The following DNAH2 variants were observed in gnomAD, a reference collection of about 807,000 sequenced individuals.
The protein encoded by DNAH2 is dynein axonemal heavy chain 2.
A neutral mutation model predicts 523.5 loss-of-function variants in DNAH2; 323 were observed. The ratio of observed to expected loss-of-function variants is 0.62; its 90% CI spans 0.56 to 0.68. The LOEUF (loss-of-function observed/expected upper bound fraction) is 0.68. DNAH2 is among the 30% of genes least tolerant of loss of function. The pLI is 0.00. For missense variants in DNAH2, 4,907 were observed against 5,701.5 expected, an observed-to-expected ratio of 0.86 and a Z score of 4.49; for synonymous variants, 2,093 against 2,177.4, an observed-to-expected ratio of 0.96 and a Z score of 1.08.
chr17:7,778,591 C>CTTATTTATTTAT lies in DNAH2; in HGVS notation c.5541+133_5541+144dup, dbSNP rs199828031. Reference sequence around the variant, plus strand: ...TCATGACATTGCATCACATGTAATTCTTATTTATTTATTTATTTATTTTTT... The same window carrying CTTATTTATTTAT: ...TCATGACATTGCATCACATGTAATTCTTATTTATTTATTTATTTATTTATTTATTTATTTTTT... On this transcript the variant is annotated intron_variant, in intron 35 of 85. Coordinates refer to ENST00000572933, the MANE Select transcript of DNAH2 (RefSeq NM_020877.5). 1.4e-4 allele frequency: 122 copies of CTTATTTATTTAT among 889,210 alleles called. No homozygotes were observed. The African/African-American group carries it at 1.5e-3, about 11-fold the overall frequency. The allele number at this position is 889,210 out of a possible 1,614,324, so 55.1% of individuals were successfully genotyped here. A position where few individuals can be genotyped will look rare whatever the true frequency, so the allele number is the denominator to read the frequency against.
intron 12 of DNAH2, among the ~76,000 whole-genome samples, chr17:7,749,421 A>G (rs912333996): frequency 6.6e-6 from 1 of 151,106 alleles, no homozygotes; most frequent in African/African-American, 2.4e-5. Context: ...GCCAGCATAC[A>G]TGCCCAAGTA....
At chr17:7,788,307 T>C (rs1049083567) in intron 44 of DNAH2, 63 bp downstream of exon 44, 2 of 1,488,664 alleles carry the variant, frequency 1.3e-6, no homozygotes, top group Non-Finnish European at 1.8e-6. Context: ...CCAGAACAAC[T>C]TCTGGGAAAC....
At position 7,760,784 on chromosome 17, in the gene DNAH2, G is replaced by A. The variant is rs781026233; in HGVS notation, c.2830G>A (p.Gly944Ser). ...GAAGATCCAGACCCAAATCAGCAGC[G>A]GCATGACTAACAACGCAAGCCTGCT... is the stretch of plus-strand genomic sequence containing the variant. ...IKKIQTQISS[G>S]MTNNASLLQN... The change falls in exon 18 of 86, where the codon GGC (glycine) becomes AGC (serine). Residue 944 changes from glycine to serine, a missense_variant. This residue lies in a region of DNAH2 where 2,806 missense variants were observed against 3,190.8 expected (regional missense o/e 0.88). Coordinates refer to ENST00000572933, the MANE Select transcript of DNAH2 (RefSeq NM_020877.5). The surrounding 1 kb of genome is among the most constrained non-coding windows in gnomAD (Gnocchi z 4.0). 51 of 1,613,996 alleles carry A rather than the reference G, an allele frequency of 3.2e-5. No homozygotes were observed. Among genetic ancestry groups the A allele is most frequent in the Middle Eastern group, 1.6e-4 (1 of 6,082 alleles).
At chr17:7,810,845 T>C (rs1160438435) in intron 63 of DNAH2, among the ~76,000 whole-genome samples, 2 of 147,832 alleles carry the variant, frequency 1.4e-5, no homozygotes, top group African/African-American at 2.4e-5. Context: ...TGCATGGTAC[T>C]GAGGCTCAGG....
rs1304260810 is a variant in DNAH2 at position 7,771,348 on chromosome 17, G to A, written c.4381G>A (p.Asp1461Asn). ...MYLENIFLGE[D>N]IRKQLPNEST... ...CCCTCAGAATATCTTCCTAGGAGAA[G>A]ACATCCGCAAGCAGCTGCCCAATGA... is the stretch of plus-strand genomic sequence containing the variant. The change falls in exon 28 of 86, where the codon GAC becomes AAC. Residue 1461 changes from aspartate (D) to asparagine (N), a missense_variant. Transcript: ENST00000572933. 1.2e-6 allele frequency: 2 copies of A among 1,614,128 alleles called. No individual in the cohort carries two copies. The highest frequency in any genetic ancestry group is 1.7e-6 in the Non-Finnish European group (2 of 1,180,024).
Position 7,832,566 on chromosome 17 carries a change from A to G in DNAH2, c.12727-13A>G, listed in dbSNP as rs761365582. The G allele has an allele frequency of 6.2e-7, 1 of 1,612,320 alleles. No individual in the cohort carries two copies. The highest frequency in any genetic ancestry group is 1.7e-5 in the Admixed American group (1 of 59,762). ...CGGCTAAATGAGTGAATACACACGC[A>G]CTCCTTCCCCAGGCATACCCCTCAC... is the stretch of plus-strand genomic sequence containing the variant. On this transcript the variant is annotated splice_polypyrimidine_tract_variant and intron_variant, in intron 82 of 85. Coordinates refer to ENST00000572933, the MANE Select transcript of DNAH2 (RefSeq NM_020877.5). This position sits in a 1 kb window ranked among gnomAD's most constrained non-coding sequence, Gnocchi z 4.3.
In DNAH2 at chr17:7,758,505, A is replaced by ATGCTGTCCCCAGATGAGCAGGCCC; in HGVS notation, c.2064_2087dup (p.Leu689_Leu696dup). 1 of 1,613,958 alleles carries ATGCTGTCCCCAGATGAGCAGGCCC rather than the reference A, an allele frequency of 6.2e-7. No homozygotes were observed. The highest frequency in any genetic ancestry group is 8.5e-7 in the Non-Finnish European group (1 of 1,179,940). On this transcript the variant is annotated inframe_insertion, in exon 14 of 86. Coordinates refer to ENST00000572933, the MANE Select transcript of DNAH2 (RefSeq NM_020877.5). ...CTCTCTTATGCACAGGATTATTGCC[A>ATGCTGTCCCCAGATGAGCAGGCCC]TGCTGTCCCCAGATGAGCAGGCCCT...
At position 7,774,815 on chromosome 17, in the gene DNAH2, C is replaced by T; in HGVS notation, c.4558C>T (p.Leu1520=). The change falls in exon 29 of 86, where the codon CTG becomes TTG. Residue 1520 remains leucine (L), a synonymous_variant. Coordinates refer to ENST00000572933, the MANE Select transcript of DNAH2 (RefSeq NM_020877.5). ...AATCCTGGAAGATATTCAGAAATCT[C>T]TGGATATGTATTTAGAGACCAAGCG... is the stretch of plus-strand genomic sequence containing the variant. ...NTILEDIQKS[L]DMYLETKRHI... 3 of 1,614,224 alleles carry T rather than the reference C, an allele frequency of 1.9e-6. No homozygotes were observed. The highest frequency in any genetic ancestry group is 2.5e-6 in the Non-Finnish European group (3 of 1,180,034).
chr17:7,763,578 C>G (rs1378846154), intron 18 of DNAH2, among the ~76,000 whole-genome samples: 1 of 152,228 alleles, frequency 6.6e-6, no homozygotes, highest in African/African-American at 2.4e-5. Context: ...CGCACCCTGC[C>G]TCACTCTAGA....
At chr17:7,766,188 C>A in intron 21 of DNAH2, 130 bp from the exon 22 acceptor site, 2 of 990,640 alleles carry the variant, frequency 2.0e-6, no homozygotes, top group Admixed American at 2.5e-5. Context: ...CGCGTTCCCT[C>A]TTACTCTCCT....
chr17:7,817,585 T>C lies in DNAH2; in HGVS notation c.10045T>C (p.Ser3349Pro). 6.2e-7 allele frequency: 1 copy of C among 1,614,130 alleles called. No individual in the cohort carries two copies. The highest frequency in any genetic ancestry group is 8.5e-7 in the Non-Finnish European group (1 of 1,180,000). ...GKIWELQVPC[S>P]PSFAIDNFLC... ...GATCTGGGAGCTTCAGGTTCCTTGCTCCCCTTCTTTCGCCATCGATAACTT... is the reference window on the plus strand; with the variant it reads ...GATCTGGGAGCTTCAGGTTCCTTGCCCCCCTTCTTTCGCCATCGATAACTT... Residue 3349 changes from serine to proline, a missense_variant, in exon 66 of 86, where the codon TCC becomes CCC. Physicochemically the swap from Ser to Pro is moderately conservative, Grantham distance 74. This residue lies in a region of DNAH2 where 1,851 missense variants were observed against 2,139.4 expected (regional missense o/e 0.87). Transcript: ENST00000572933.
At position 7,759,981 on chromosome 17, in the gene DNAH2, G is replaced by C. The variant is rs761158367; in HGVS notation, c.2785+43G>C. The C allele has an allele frequency of 1.9e-6, 3 of 1,613,548 alleles. No individual in the cohort carries two copies. In the South Asian group the frequency reaches 3.3e-5, roughly 18 times the overall value. ...AGGGCACAAGGCACAGGGTTTCAGA[G>C]GCTGTCGAGTGGGCCAGGCCAGGAG... On this transcript the variant is annotated intron_variant, in intron 17 of 85. Coordinates refer to ENST00000572933, the MANE Select transcript of DNAH2 (RefSeq NM_020877.5).
At position 7,742,779 on chromosome 17, in the gene DNAH2, G is replaced by A. The variant is rs142115783; in HGVS notation, c.1690-149G>A. The A allele has an allele frequency of 1.1e-3, 532 of 481,644 alleles. 5 individuals carry two copies. The East Asian group carries it at 0.019, about 17-fold the overall frequency. 29.8% of individuals were successfully genotyped at this position (481,644 alleles called of 1,614,324 possible). The stretch of plus-strand genomic sequence containing the variant: ...CTTTTTGACTCTACCTTCCTTCTAA[G>A]TTATCAAAACTCAATCCATCTCCAT... On this transcript the variant is annotated intron_variant, in intron 11 of 85. Transcript: ENST00000572933.
intron 18 of DNAH2, among the ~76,000 whole-genome samples, chr17:7,762,893 TAA>T (rs34113567): frequency 1.3e-4 from 16 of 126,962 alleles, no homozygotes; most frequent in Admixed American, 4.0e-4. Context: ...CTCAAACAGT[TAA>T]AAAAAAAAAA....
chr17:7,738,922 C>T (rs1372862484), intron 8 of DNAH2: 2 of 701,818 alleles, frequency 2.8e-6, no homozygotes, highest in Admixed American at 4.0e-5. Flanking sequence ...TTTCTCCTGA[C>T]ACAGGTTCTC....
chr17:7,783,439 A>G (rs1197247083), intron 39 of DNAH2, among the ~76,000 whole-genome samples: 4 of 152,192 alleles, frequency 2.6e-5, no homozygotes, highest in African/African-American at 7.2e-5. Context: ...GATTTAGTCA[A>G]CTGGTAGAGT....
In DNAH2 at chr17:7,765,857, A is replaced by G. The variant is rs34552479; in HGVS notation, c.3511+292A>G. Among the ~76,000 whole-genome samples the G allele has an allele frequency of 6.5e-3, 982 of 151,706 alleles. 6 individuals are homozygous for G. Among genetic ancestry groups the G allele is most frequent in the Non-Finnish European group, 9.7e-3 (661 of 67,910 alleles). ...CAGTGGCTCGATCTCAGCTCACTGC[A>G]ACCTCCGCCTCCCAGGTTCAAACGA... On this transcript the variant is annotated intron_variant, in intron 21 of 85. Coordinates refer to ENST00000572933, the MANE Select transcript of DNAH2 (RefSeq NM_020877.5).
At chr17:7,816,341 G>A (rs899067567) in intron 63 of DNAH2, among the ~76,000 whole-genome samples, 1 of 152,144 alleles carries the variant, frequency 6.6e-6, no homozygotes, top group African/African-American at 2.4e-5. Flanking sequence ...AAAGGGTGGT[G>A]GAAGGAAGGG....
Position 7,831,471 on chromosome 17 carries a change from G to A in DNAH2, c.12541G>A (p.Asp4181Asn), listed in dbSNP as rs776636057. 4.3e-6 allele frequency: 7 copies of A among 1,614,086 alleles called. No individual in the cohort carries two copies. The highest frequency in any genetic ancestry group is 1.7e-5 in the Admixed American group (1 of 60,006). ...YEGTQKLLALDPSPLNVVLLQ... is the reference protein window; with the variant it reads ...YEGTQKLLALNPSPLNVVLLQ... ...GGGGACTCAAAAACTGCTAGCTCTCGACCCCTCCCCCCTCAATGTGGTCCT... is the reference window on the plus strand; with the variant it reads ...GGGGACTCAAAAACTGCTAGCTCTCAACCCCTCCCCCCTCAATGTGGTCCT... Residue 4181 changes from aspartate (D) to asparagine (N), a missense_variant, in exon 81 of 86, where the codon GAC (aspartate) becomes AAC (asparagine). By Grantham distance (23) the Asp-to-Asn change is conservative (BLOSUM62 1). Transcript: ENST00000572933. The surrounding 1 kb of genome is among the most constrained non-coding windows in gnomAD (Gnocchi z 4.2).
Sources: allele counts gnomAD v4.1 joint callset (sites outside exome capture counted in the v4.1 genomes callset), GRCh38; gene constraint gnomAD v4.1.1; regional missense constraint gnomAD v4.1.1; non-coding constraint Gnocchi (gnomAD v3.1); transcripts MANE v1.5; gene names NCBI Gene and HGNC (gene_info 2026-07-23, HGNC 2026-07-21).